The following PHOSPHO2 variants were observed in gnomAD, a reference collection of about 807,000 sequenced individuals.
PHOSPHO2 encodes pyridoxal phosphate phosphatase PHOSPHO2.
In PHOSPHO2, 14 loss-of-function variants were observed where a neutral mutation model predicts 16.4. The ratio of observed to expected loss-of-function variants is 0.85; its 90% CI spans 0.56 to 1.33. The LOEUF (loss-of-function observed/expected upper bound fraction) is 1.33, where lower values mean the gene tolerates loss of function less well. Among genes scored for constraint, PHOSPHO2 ranks in the 40% most tolerant of loss-of-function variants. PHOSPHO2 has a pLI of 0.00. For synonymous variants in PHOSPHO2, 85 were observed against 90.5 expected (o/e 0.94, Z 0.34); for missense variants, 246 against 282.5 (o/e 0.87, Z 0.93).
chr2:169,701,301 A>G lies in PHOSPHO2; in HGVS notation c.330A>G (p.Glu110=), dbSNP rs1432451195. ...CGGTCTTCATAGATTGGGTTTTAGA[A>G]GCTGCCAGTTTTCATGACATATTTG... The part of the protein sequence containing the change: ...SNSVFIDWVL[E]AASFHDIFDK... The change falls in exon 4 of 4, where the codon GAA becomes GAG. Residue 110 remains glutamate, a synonymous_variant. Transcript: ENST00000359744. 2 of 1,612,712 alleles carry G rather than the reference A, an allele frequency of 1.2e-6. No individual in the cohort carries two copies. Among genetic ancestry groups the G allele is most frequent in the East Asian group, 2.2e-5 (1 of 44,846 alleles).
intron 3 of PHOSPHO2, among the ~76,000 whole-genome samples, chr2:169,700,727 G>T (rs1373961520): frequency 6.6e-6 from 1 of 151,924 alleles, no homozygotes; most frequent in Non-Finnish European, 1.5e-5. Flanking sequence ...ATAATACTAT[G>T]AATGTCCTTT....
intron 1 of PHOSPHO2, 151 bp downstream of exon 1, chr2:169,694,773 T>G (rs1287203224): frequency 3.5e-5 from 9 of 257,244 alleles, no homozygotes; most frequent in Non-Finnish European, 5.5e-5. Flanking sequence ...AGGCGTGGTG[T>G]GTGCGTCCGC....
At chr2:169,699,490 G>C (rs558021814) in intron 3 of PHOSPHO2, among the ~76,000 whole-genome samples, 3 of 152,268 alleles carry the variant, frequency 2.0e-5, no homozygotes, top group African/African-American at 7.2e-5. Context: ...ACATACGCTT[G>C]CATGTATCTT....
intron 3 of PHOSPHO2, among the ~76,000 whole-genome samples, chr2:169,698,947 C>T (rs1687647007): frequency 1.3e-5 from 2 of 152,268 alleles, no homozygotes; most frequent in Admixed American, 1.3e-4. Flanking sequence ...TATAGAGTGT[C>T]AGCAATCATT....
chr2:169,701,661 T>C lies in PHOSPHO2; in HGVS notation c.690T>C (p.Asp230=). The C allele has an allele frequency of 6.4e-7, 1 of 1,564,706 alleles. No individual in the cohort carries two copies. The highest frequency in any genetic ancestry group is 8.6e-7 in the Non-Finnish European group (1 of 1,161,192). ...YSVVVWSSGV[D]IISHLQFLIK... is the part of the protein sequence containing the mutation. The stretch of plus-strand genomic sequence containing the variant: ...TTGTAGTTTGGTCCTCAGGTGTTGA[T>C]ATAATTTCTCATTTACAATTTCTAA... The change falls in exon 4 of 4, where the codon GAT becomes GAC. Residue 230 remains aspartate (D), a synonymous_variant. Coordinates refer to ENST00000359744, the MANE Select transcript of PHOSPHO2 (RefSeq NM_001008489.4).
chr2:169,694,918 T>C (rs1687457417), intron 1 of PHOSPHO2, among the ~76,000 whole-genome samples: 4 of 152,220 alleles, frequency 2.6e-5, no homozygotes. Context: ...GGGGCCAAGT[T>C]TTTTAAAAAT....
chr2:169,694,958 G>A (rs917222712), intron 1 of PHOSPHO2, among the ~76,000 whole-genome samples: 4 of 152,252 alleles, frequency 2.6e-5, no homozygotes, highest in African/African-American at 9.6e-5. Flanking sequence ...GATATGCTTA[G>A]AATATTTACG....
At position 169,701,654 on chromosome 2, in the gene PHOSPHO2, G is replaced by A; in HGVS notation, c.683G>A (p.Gly228Asp). Residue 228 changes from glycine to aspartate, a missense_variant, in exon 4 of 4, where the codon GGT (glycine) becomes GAT (aspartate). By Grantham distance (94) the Gly-to-Asp change is moderately conservative. Coordinates refer to ENST00000359744, the MANE Select transcript of PHOSPHO2 (RefSeq NM_001008489.4). ...TATTCTGTTGTAGTTTGGTCCTCAG[G>A]TGTTGATATAATTTCTCATTTACAA... ...MEYSVVVWSS[G>D]VDIISHLQFL... 6.4e-7 allele frequency: 1 copy of A among 1,571,940 alleles called. No individual in the cohort carries two copies. The highest frequency in any genetic ancestry group is 8.6e-7 in the Non-Finnish European group (1 of 1,165,632).
chr2:169,700,506 A>G (rs1005067079), intron 3 of PHOSPHO2, among the ~76,000 whole-genome samples: 8 of 151,970 alleles, frequency 5.3e-5, no homozygotes, highest in Middle Eastern at 3.2e-3. Context: ...GTTATTTTAC[A>G]TCTTCCAAGA....
intron 3 of PHOSPHO2, chr2:169,698,203 C>T (rs1558930162): frequency 2.0e-5 from 3 of 152,000 alleles, no homozygotes; most frequent in Admixed American, 1.3e-4. Flanking sequence ...TTGTAAAAAC[C>T]TCAAAATGGT....
Position 169,701,087 on chromosome 2 carries a change from A to G in PHOSPHO2, c.116A>G (p.Tyr39Cys). ...CTTCCTATTGAACTACGTGATTCTT[A>G]TCGAAAAGGATTTTGGACAGAATTT... ...KKLPIELRDS[Y>C]RKGFWTEFMG... The change falls in exon 4 of 4, where the codon TAT becomes TGT. Residue 39 changes from tyrosine to cysteine, a missense_variant. Physicochemically the swap from Tyr to Cys is radical, Grantham distance 194. Transcript: ENST00000359744. The G allele has an allele frequency of 6.2e-7, 1 of 1,614,048 alleles. No homozygotes were observed. The highest frequency in any genetic ancestry group is 1.1e-5 in the South Asian group (1 of 91,076).
chr2:169,695,350 CTG>C (rs1307749264), intron 2 of PHOSPHO2, 103 bp downstream of exon 2: 2 of 152,132 alleles, frequency 1.3e-5, no homozygotes, highest in Admixed American at 6.5e-5. Flanking sequence ...GTGTCAAGAA[CTG>C]GGGGCCAGGC....
chr2:169,695,576 G>T (rs1413984683), intron 2 of PHOSPHO2, among the ~76,000 whole-genome samples: 2 of 151,868 alleles, frequency 1.3e-5, no homozygotes, highest in Non-Finnish European at 2.9e-5. Flanking sequence ...GGCGGAGCTT[G>T]CAGTGAGCCG....
intron 3 of PHOSPHO2, among the ~76,000 whole-genome samples, chr2:169,699,190 CA>C (rs1205378978): frequency 2.0e-5 from 3 of 150,166 alleles, no homozygotes; most frequent in African/African-American, 7.4e-5. Flanking sequence ...CACCCTCTGA[CA>C]GGTCCCAGGG....
At chr2:169,697,215 C>G (rs897609098) in intron 2 of PHOSPHO2, 146 bp from the exon 3 acceptor site, 1 of 152,188 alleles carries the variant, frequency 6.6e-6, no homozygotes, top group Non-Finnish European at 1.5e-5. Context: ...TGGGGTTTCA[C>G]TGTGTTAGCC....
chr2:169,701,573 G>T lies in PHOSPHO2; in HGVS notation c.602G>T (p.Gly201Val). The T allele has an allele frequency of 6.2e-7, 1 of 1,612,254 alleles. No individual in the cohort carries two copies. The highest frequency in any genetic ancestry group is 8.5e-7 in the Non-Finnish European group (1 of 1,179,946). ...GATGATGTTGCCATGCCACGGAAAG[G>T]ATATACCTTACAGAAAACTCTTTCC... The part of the protein sequence containing the change: ...KNDDVAMPRK[G>V]YTLQKTLSRM... The change falls in exon 4 of 4, where the codon GGA (glycine) becomes GTA (valine). Residue 201 changes from glycine (G) to valine (V), a missense_variant. By Grantham distance (109) the Gly-to-Val change is moderately radical (BLOSUM62 -3). Coordinates refer to ENST00000359744, the MANE Select transcript of PHOSPHO2 (RefSeq NM_001008489.4).
chr2:169,701,243 A>C lies in PHOSPHO2; in HGVS notation c.272A>C (p.Lys91Thr). Reference protein sequence around the residue: ...LFNFIRKNKDKFDCIIISDSN... With the variant: ...LFNFIRKNKDTFDCIIISDSN... Reference sequence around the variant, plus strand: ...AACTTTATAAGAAAGAATAAGGATAAATTTGACTGCATTATTATTTCAGAT... The same window carrying C: ...AACTTTATAAGAAAGAATAAGGATACATTTGACTGCATTATTATTTCAGAT... The change falls in exon 4 of 4, where the codon AAA becomes ACA. Residue 91 changes from lysine (K) to threonine (T), a missense_variant. Lys to Thr is a moderately conservative substitution (Grantham distance 78). Coordinates refer to ENST00000359744, the MANE Select transcript of PHOSPHO2 (RefSeq NM_001008489.4). 6.2e-7 allele frequency: 1 copy of C among 1,613,952 alleles called. No individual in the cohort carries two copies. The highest frequency in any genetic ancestry group is 1.3e-5 in the African/African-American group (1 of 75,036).
chr2:169,695,282 C>G (rs1687475287), intron 2 of PHOSPHO2, 35 bp downstream of exon 2: 1 of 152,158 alleles, frequency 6.6e-6, no homozygotes, highest in African/African-American at 2.4e-5. Flanking sequence ...TATTTGAAGA[C>G]AGAAATTAGT....
Position 169,694,506 on chromosome 2 carries a change from G to A in PHOSPHO2, c.-347G>A, listed in dbSNP as rs1687429128. The A allele has an allele frequency of 1.5e-6, 1 of 663,720 alleles. No homozygotes were observed. The highest frequency in any genetic ancestry group is 1.8e-5 in the African/African-American group (1 of 56,058). The allele number at this position is 663,720 out of a possible 1,614,324, so 41.1% of individuals were successfully genotyped here. A position where few individuals can be genotyped will look rare whatever the true frequency, so the allele number is the denominator to read the frequency against. ...CGGGCTAGAGAAGAGAGGCGCCTGC[G>A]CTTGCGAGCTGGGCTTGTGAGTGGG... is the stretch of plus-strand genomic sequence containing the variant. On this transcript the variant is annotated 5_prime_UTR_variant, in exon 1 of 4. Transcript: ENST00000359744.
Sources: gnomAD v4.1 joint callset for allele counts (sites outside exome capture counted in the v4.1 genomes callset) on GRCh38, gnomAD v4.1.1 for gene constraint, MANE v1.5 for transcripts, NCBI Gene and HGNC (gene_info 2026-07-23, HGNC 2026-07-21) for gene names.